The following PSMD9 variants were observed in gnomAD, a reference collection of about 807,000 sequenced individuals.
PSMD9 encodes the protein 26S proteasome non-ATPase regulatory subunit 9.
In PSMD9, 26 loss-of-function variants were observed where a neutral mutation model predicts 25.9. The ratio of observed to expected loss-of-function variants is 1.00; its 90% CI spans 0.73 to 1.39. The LOEUF (loss-of-function observed/expected upper bound fraction) is 1.39, where lower values mean the gene tolerates loss of function less well. Ranked by LOEUF, PSMD9 falls within the 40% of genes most tolerant of loss-of-function variation. The pLI is 0.00. For missense variants in PSMD9, 303 were observed against 299.3 expected (o/e 1.01, Z -0.09); for synonymous variants, 110 against 114.5 (o/e 0.96, Z 0.25).
chr12:121,895,036 C>T (rs1430078444), intron 2 of PSMD9, among the ~76,000 whole-genome samples, 195 bp downstream of exon 2: 1 of 151,896 alleles, frequency 6.6e-6, no homozygotes, highest in Non-Finnish European at 1.5e-5. Context: ...TTCATTTTCT[C>T]TCTCTCTCTC....
chr12:121,894,532 G>A (rs1340028557), intron 1 of PSMD9: 5 of 536,220 alleles, frequency 9.3e-6, no homozygotes, highest in East Asian at 6.3e-5. Flanking sequence ...CATTACTTGC[G>A]TCGTTAAAAA....
chr12:121,892,415 T>G (rs1324206475), intron 1 of PSMD9, among the ~76,000 whole-genome samples: 1 of 150,666 alleles, frequency 6.6e-6, no homozygotes, highest in Non-Finnish European at 1.5e-5. Flanking sequence ...AATTCAAAAT[T>G]AAAGGCCGGG....
intron 4 of PSMD9, among the ~76,000 whole-genome samples, chr12:121,911,458 A>G (rs887075188): frequency 6.6e-6 from 1 of 152,086 alleles, no homozygotes; most frequent in Admixed American, 6.6e-5. Context: ...CATTATTTTT[A>G]TCCATTCATT....
chr12:121,899,073 C>T lies in PSMD9; in HGVS notation c.242-561C>T, dbSNP rs188110263. On this transcript the variant is annotated intron_variant, in intron 2 of 5. Coordinates refer to ENST00000541212, the MANE Select transcript of PSMD9 (RefSeq NM_002813.7). ...GGTTTCACCATGTTGGCAAGGTGGT[C>T]GCGATCTCTTGACCTCGTGATCTGC... 71 of 153,028 alleles carry T rather than the reference C, an allele frequency of 4.6e-4. No individual in the cohort carries two copies. In the East Asian group the frequency reaches 0.01, roughly 22 times the overall value. 9.5% of individuals were successfully genotyped at this position (153,028 alleles called of 1,614,324 possible). A position where few individuals can be genotyped will look rare whatever the true frequency, so the allele number is the denominator to read the frequency against.
chr12:121,890,519 G>A (rs577880747), intron 1 of PSMD9, among the ~76,000 whole-genome samples: 31 of 152,166 alleles, frequency 2.0e-4, no homozygotes, highest in South Asian at 1.5e-3. Context: ...CCAGGCTGGA[G>A]TTCAGTGGCA....
At chr12:121,899,387 A>G (rs1879322393) in intron 2 of PSMD9, 1 of 494,062 alleles carries the variant, frequency 2.0e-6, no homozygotes, top group Non-Finnish European at 3.7e-6. Context: ...GCGAGGGCAG[A>G]CTTTGCTGCT....
In PSMD9 at chr12:121,888,791, C is replaced by T. The variant is rs987112164; in HGVS notation, c.-66C>T. On this transcript the variant is annotated 5_prime_UTR_variant, in exon 1 of 6. It adds an upstream start codon to the 5' untranslated region. Coordinates refer to ENST00000541212, the MANE Select transcript of PSMD9 (RefSeq NM_002813.7). The stretch of plus-strand genomic sequence containing the variant: ...TGGCGCATGGGCGGAGCCGTAGTTA[C>T]GGTCGACTGGGGCGTCGTCCCTAGC... 5 of 1,543,848 alleles carry T rather than the reference C, an allele frequency of 3.2e-6. No individual in the cohort carries two copies. In the South Asian group the frequency reaches 3.6e-5, roughly 11 times the overall value.
Position 121,899,846 on chromosome 12 carries a change from G to A in PSMD9, c.453+1G>A. The A allele has an allele frequency of 1.2e-6, 2 of 1,613,976 alleles. No individual in the cohort carries two copies. Among genetic ancestry groups the A allele is most frequent in the Non-Finnish European group, 8.5e-7 (1 of 1,179,880 alleles). ...CCCCGGCTCCCCAGCCAGCATCGCG[G>A]TAATCCAGGGGTTGGCCACTCAAGT... On this transcript the variant is annotated splice_donor_variant, in intron 3 of 5. Transcript: ENST00000541212. LOFTEE classifies it high-confidence loss of function.
chr12:121,906,816 CAAA>C (rs577687349), intron 4 of PSMD9, among the ~76,000 whole-genome samples: 2 of 134,758 alleles, frequency 1.5e-5, no homozygotes, highest in Admixed American at 7.5e-5. Flanking sequence ...TCTCCCATCT[CAAA>C]AAAAAAAAAA....
At chr12:121,896,036 C>T (rs559180362) in intron 2 of PSMD9, among the ~76,000 whole-genome samples, 137 of 151,876 alleles carry the variant, frequency 9.0e-4, no homozygotes, top group Non-Finnish European at 1.8e-3. Flanking sequence ...GACGGAGTCT[C>T]GCTCTGTCAC....
Position 121,888,884 on chromosome 12 carries a change from G to T in PSMD9, c.28G>T (p.Gly10Ter). 6.2e-7 allele frequency: 1 copy of T among 1,603,454 alleles called. No homozygotes were observed. Residue 10 changes from glycine (G) to a stop codon, truncating the protein, a stop_gained, in exon 1 of 6, where the codon GGA becomes TGA. Transcript: ENST00000541212. LOFTEE classifies it high-confidence loss of function. MSDEEARQS[G>*]GSSQAGVVTV... ...GTCCGACGAGGAAGCGAGGCAGAGC[G>T]GAGGCTCCTCGCAGGCCGGCGTCGT...
At chr12:121,912,268 G>T (rs1237589341) in intron 4 of PSMD9, among the ~76,000 whole-genome samples, 1 of 150,190 alleles carries the variant, frequency 6.7e-6, no homozygotes, top group South Asian at 2.1e-4. Context: ...GGGCTCAAGC[G>T]ATCCCACCCG....
At chr12:121,894,643 A>T (rs762853720) in intron 1 of PSMD9, 96 bp from the exon 2 acceptor site, 12 of 1,038,468 alleles carry the variant, frequency 1.2e-5, no homozygotes, top group Non-Finnish European at 1.8e-5. Context: ...CATTACTGTC[A>T]CCTTTATTAT....
At chr12:121,915,156 C>G (rs1879858200) in intron 4 of PSMD9, 2 of 151,934 alleles carry the variant, frequency 1.3e-5, no homozygotes, top group South Asian at 4.2e-4. Flanking sequence ...GAAACCCTGT[C>G]TCTACTAAAA....
chr12:121,907,298 G>C (rs1879589941), intron 4 of PSMD9, among the ~76,000 whole-genome samples: 1 of 151,988 alleles, frequency 6.6e-6, no homozygotes, highest in African/African-American at 2.4e-5. Flanking sequence ...TTGAACTCCT[G>C]ACCTCAGGTG....
chr12:121,900,498 C>G (rs1486343909), intron 3 of PSMD9, among the ~76,000 whole-genome samples: 1 of 150,424 alleles, frequency 6.6e-6, no homozygotes, highest in African/African-American at 2.5e-5. Context: ...CGAGACCAAC[C>G]TGGCCAACAT....
intron 1 of PSMD9, among the ~76,000 whole-genome samples, chr12:121,891,460 C>T (rs528603155): frequency 4.0e-5 from 6 of 150,814 alleles, no homozygotes; most frequent in East Asian, 2.0e-4. Context: ...ATTAGCTGGA[C>T]GTGGTGGCCA....
At chr12:121,902,396 A>G (rs994383742) in intron 3 of PSMD9, 33 of 152,736 alleles carry the variant, frequency 2.2e-4, no homozygotes, top group African/African-American at 7.0e-4. Flanking sequence ...GTCTTCTTTA[A>G]TGGTCACAAG....
intron 3 of PSMD9, among the ~76,000 whole-genome samples, chr12:121,900,639 CTT>C (rs1210939057): frequency 6.6e-6 from 1 of 150,436 alleles, no homozygotes; most frequent in African/African-American, 2.4e-5. Flanking sequence ...AGTTTAGTGT[CTT>C]TTGGTGTATT....
Sources: allele counts gnomAD v4.1 joint callset (sites outside exome capture counted in the v4.1 genomes callset), GRCh38; gene constraint gnomAD v4.1.1; transcripts MANE v1.5; gene names NCBI Gene and HGNC (gene_info 2026-07-23, HGNC 2026-07-21).